Variants in INTS6 observed in about 807,000 individuals in gnomAD.
The protein encoded by INTS6 is DEAD box protein.
A neutral mutation model predicts 104.9 loss-of-function variants in INTS6; 16 were observed. The observed-to-expected ratio is 0.15, with a 90% CI of 0.10 to 0.23. INTS6 has a LOEUF of 0.23. INTS6 is among the 10% of genes least tolerant of loss of function. The pLI is 1.00. For synonymous variants in INTS6, 324 were observed against 358.7 expected, an observed-to-expected ratio of 0.90 and a Z score of 1.09; for missense variants, 584 against 1,062.8, an observed-to-expected ratio of 0.55 and a Z score of 6.26.
the INTS6 span, among the ~76,000 whole-genome samples, chr13:51,339,158 G>A: frequency 6.6e-6 from 1 of 152,172 alleles, no homozygotes; most frequent in Non-Finnish European, 1.5e-5. Flanking sequence ...ATAAATTAGT[G>A]CATTCACTTT....
chr13:51,403,782 G>A (rs1298771299), intron 4 of INTS6, among the ~76,000 whole-genome samples: 2 of 152,032 alleles, frequency 1.3e-5, no homozygotes, highest in East Asian at 3.9e-4. Context: ...GAAAGGAGAA[G>A]GATCTGATTC....
downstream of INTS6, among the ~76,000 whole-genome samples, chr13:51,360,646 C>T (rs1396972112): frequency 2.0e-5 from 3 of 151,988 alleles, no homozygotes; most frequent in Admixed American, 6.6e-5. Flanking sequence ...CTCTCATTTG[C>T]TTTGTAGATT....
chr13:51,446,868 A>G (rs1952930336), intron 3 of INTS6: 1 of 152,198 alleles, frequency 6.6e-6, no homozygotes, highest in South Asian at 2.1e-4. Context: ...ATAAAAACAG[A>G]AAGTAGAATA....
chr13:51,378,264 C>G lies in INTS6; in HGVS notation c.1577G>C (p.Gly526Ala), dbSNP rs1348910144. 3 of 1,613,038 alleles carry G rather than the reference C, an allele frequency of 1.9e-6. No individual in the cohort carries two copies. Among genetic ancestry groups the G allele is most frequent in the Non-Finnish European group, 2.5e-6 (3 of 1,179,144 alleles). Reference sequence around the variant, plus strand: ...CTTATTCAGCAAAGCAACTTGGAACCCAGTGTATTCCTTCATATTAAGGTC... The same window carrying G: ...CTTATTCAGCAAAGCAACTTGGAACGCAGTGTATTCCTTCATATTAAGGTC... ...LLDLNMKEYT[G>A]FQVALLNKDL... The change falls in exon 12 of 18, where the codon GGG becomes GCG. Residue 526 changes from glycine (G) to alanine (A), a missense_variant. Transcript: ENST00000311234.
chr13:51,440,196 A>G (rs1376298996), intron 3 of INTS6: 1 of 151,984 alleles, frequency 6.6e-6, no homozygotes, highest in Non-Finnish European at 1.5e-5. Context: ...GCTTGCAGTA[A>G]GCAGAGATCG....
chr13:51,367,459 G>A (rs143104614), intron 17 of INTS6, among the ~76,000 whole-genome samples: 8 of 151,916 alleles, frequency 5.3e-5, no homozygotes, highest in African/African-American at 1.4e-4. Flanking sequence ...ACTCAAGTAC[G>A]TTATTTTTAG....
intron 15 of INTS6, among the ~76,000 whole-genome samples, chr13:51,371,626 C>A (rs1325757492): frequency 6.6e-6 from 1 of 152,100 alleles, no homozygotes; most frequent in Non-Finnish European, 1.5e-5. Context: ...CCCAGCTCTA[C>A]AGAGTGGTCA....
chr13:51,424,096 A>G (rs1277333945), intron 4 of INTS6, among the ~76,000 whole-genome samples: 1 of 152,096 alleles, frequency 6.6e-6, no homozygotes, highest in Non-Finnish European at 1.5e-5. Context: ...TATAAGAGCT[A>G]GAATTGGATA....
intron 15 of INTS6, 79 bp downstream of exon 15, chr13:51,374,129 A>C (rs1400929664): frequency 8.6e-7 from 1 of 1,168,234 alleles, no homozygotes; most frequent in African/African-American, 1.5e-5. Context: ...ATTTCCTTCT[A>C]TAATCTATAA....
chr13:51,418,523 A>C (rs1956835437), intron 4 of INTS6, among the ~76,000 whole-genome samples: 1 of 151,994 alleles, frequency 6.6e-6, no homozygotes, highest in Non-Finnish European at 1.5e-5. Flanking sequence ...TCCTGTCTCA[A>C]AAAAAATTAT....
At chr13:51,340,982 AAC>A in the INTS6 span, 10 of 1,327,822 alleles carry the variant, frequency 7.5e-6, 1 homozygote, top group South Asian at 1.3e-4. Context: ...AGCCCCTAAA[AAC>A]AGAGCTGGGG....
chr13:51,452,584 G>A lies in INTS6; in HGVS notation c.-59C>T, dbSNP rs1953087284. On this transcript the variant is annotated 5_prime_UTR_variant, in exon 1 of 18. Transcript: ENST00000311234. This position sits in a 1 kb window ranked among gnomAD's most constrained non-coding sequence, Gnocchi z 4.2. Reference sequence around the variant, plus strand: ...TGGAGAAAGAGGAGATGGTAGAGGTGGAGGCGCCGGTGGCGGCGACCGCCG... The same window carrying A: ...TGGAGAAAGAGGAGATGGTAGAGGTAGAGGCGCCGGTGGCGGCGACCGCCG... 2 of 1,577,730 alleles carry A rather than the reference G, an allele frequency of 1.3e-6. No homozygotes were observed. Among genetic ancestry groups the A allele is most frequent in the Admixed American group, 1.8e-5 (1 of 56,994 alleles).
chr13:51,382,154 C>T, intron 9 of INTS6, 31 bp from the exon 10 acceptor site: 1 of 1,350,304 alleles, frequency 7.4e-7, no homozygotes, highest in South Asian at 1.2e-5. Flanking sequence ...CAAACTATCA[C>T]TACTCATTAT....
rs754767664 is a variant in INTS6, at chr13:51,369,236, T to A, written c.2179A>T (p.Ile727Phe). 1 of 1,613,740 alleles carries A rather than the reference T, an allele frequency of 6.2e-7. No homozygotes were observed. The highest frequency in any genetic ancestry group is 2.2e-5 in the East Asian group (1 of 44,852). ...NHVADQLSSD[I>F]TPNAMDTEFS... ...TCCGTATCCATAGCATTTGGTGTAA[T>A]GTCTGATGAAAGTTGGTCTGCAACA... The change falls in exon 16 of 18, where the codon ATT (isoleucine) becomes TTT (phenylalanine). Residue 727 changes from isoleucine to phenylalanine, a missense_variant. Physicochemically the swap from Ile to Phe is conservative, Grantham distance 21. Around this residue, in one of 5 missense-constraint regions of INTS6, gnomAD observed 296 missense variants for 437.0 expected, o/e 0.68. Coordinates refer to ENST00000311234, the MANE Select transcript of INTS6 (RefSeq NM_012141.3).
chr13:51,449,965 C>A, intron 3 of INTS6: 4 of 985,298 alleles, frequency 4.1e-6, no homozygotes, highest in Non-Finnish European at 4.8e-6. Context: ...TTTCCAAAGA[C>A]ACTTAAGCAC....
intron 7 of INTS6, 98 bp downstream of exon 7, chr13:51,387,288 C>A: frequency 1.8e-6 from 2 of 1,119,832 alleles, no homozygotes; most frequent in East Asian, 2.5e-5. Flanking sequence ...TCTGTCTAAT[C>A]CCCATAAATT....
At chr13:51,347,964 C>CA in the INTS6 span, among the ~76,000 whole-genome samples, 1 of 152,108 alleles carries the variant, frequency 6.6e-6, no homozygotes, top group Non-Finnish European at 1.5e-5. Flanking sequence ...CGTCCCCCCC[C>CA]CCATACCCAG....
chr13:51,449,606 C>G, intron 3 of INTS6: 1 of 985,184 alleles, frequency 1.0e-6, no homozygotes, highest in Non-Finnish European at 1.2e-6. Flanking sequence ...AACATGACAA[C>G]CAAATAAAGG....
chr13:51,449,474 G>T, intron 3 of INTS6: 5 of 985,222 alleles, frequency 5.1e-6, no homozygotes, highest in Non-Finnish European at 6.0e-6. Context: ...GTTTTTCGAA[G>T]GAAGCAATCT....
Sources: gnomAD v4.1 joint callset for allele counts (sites outside exome capture counted in the v4.1 genomes callset) on GRCh38, gnomAD v4.1.1 for gene constraint, gnomAD v4.1.1 regional missense constraint, Gnocchi (gnomAD v3.1) non-coding constraint, MANE v1.5 for transcripts, NCBI Gene and HGNC (gene_info 2026-07-23, HGNC 2026-07-21) for gene names.